The following TMCO1 variants were observed in gnomAD, a reference collection of about 807,000 sequenced individuals.
TMCO1 encodes transmembrane and coiled-coil domains 1.
TMCO1 carries 29 observed loss-of-function variants against 29.3 expected under a neutral mutation model. The observed-to-expected ratio is 0.99, with a 90% CI of 0.74 to 1.35. The LOEUF is 1.35. TMCO1 is among the 40% of genes most tolerant of loss of function. The pLI is 0.00. For missense variants in TMCO1, 173 were observed against 225.5 expected, an observed-to-expected ratio of 0.77 and a Z score of 1.49; for synonymous variants, 80 against 77.1, an observed-to-expected ratio of 1.04 and a Z score of -0.20.
intron 6 of TMCO1, among the ~76,000 whole-genome samples, chr1:165,728,478 G>A (rs898899042): frequency 7.9e-5 from 12 of 151,946 alleles, no homozygotes; most frequent in East Asian, 5.8e-4. Context: ...GGATGGTCTC[G>A]ATCTCCTGAC....
downstream of TMCO1, chr1:165,724,608 T>G (rs1466880594): frequency 4.4e-6 from 2 of 453,920 alleles, no homozygotes; most frequent in Non-Finnish European, 8.8e-6. Context: ...GCAGTTTGTG[T>G]TCTAACAAGG....
chr1:165,768,603 T>A (rs1370651318), intron 1 of TMCO1, 79 bp downstream of exon 1: 3 of 1,610,426 alleles, frequency 1.9e-6, no homozygotes, highest in Non-Finnish European at 2.5e-6. Context: ...GCTCGCGATC[T>A]TTCCCCTGGT....
At chr1:165,766,092 A>G (rs777480639) in intron 2 of TMCO1, among the ~76,000 whole-genome samples, 3 of 152,218 alleles carry the variant, frequency 2.0e-5, no homozygotes, top group Non-Finnish European at 4.4e-5. Flanking sequence ...AAGGAAACCC[A>G]ACAGTATCTG....
chr1:165,732,439 T>A (rs10800152), intron 6 of TMCO1, among the ~76,000 whole-genome samples: 34,351 of 145,932 alleles, frequency 0.24, 5,211 homozygotes, highest in East Asian at 0.58. Flanking sequence ...CCTATTTTTT[T>A]AAAAAATCAC....
At chr1:165,741,010 T>G (rs1184228900) in intron 6 of TMCO1, among the ~76,000 whole-genome samples, 1 of 152,220 alleles carries the variant, frequency 6.6e-6, no homozygotes, top group African/African-American at 2.4e-5. Flanking sequence ...TTTCAAAAAT[T>G]TAAGTATATA....
At chr1:165,748,879 T>C (rs6664303) in intron 5 of TMCO1, among the ~76,000 whole-genome samples, 39 of 152,340 alleles carry the variant, frequency 2.6e-4, no homozygotes, top group African/African-American at 8.7e-4. Context: ...CTGGCAACCA[T>C]TGATCTTTTT....
chr1:165,746,814 G>A (rs1022026113), intron 5 of TMCO1, among the ~76,000 whole-genome samples: 2 of 151,990 alleles, frequency 1.3e-5, no homozygotes, highest in African/African-American at 4.8e-5. Context: ...GAACAGTGAT[G>A]GAGAGAAAGG....
intron 6 of TMCO1, among the ~76,000 whole-genome samples, chr1:165,734,720 G>T (rs1435431056): frequency 2.0e-5 from 3 of 152,112 alleles, no homozygotes; most frequent in Non-Finnish European, 2.9e-5. Context: ...GGCCAGGCTG[G>T]TCTTGAACTT....
At chr1:165,728,177 G>C (rs1051578144) in intron 6 of TMCO1, 56 bp from the exon 7 acceptor site, 8 of 1,376,610 alleles carry the variant, frequency 5.8e-6, no homozygotes, top group Non-Finnish European at 8.2e-6. Flanking sequence ...CAGAAGATGT[G>C]TTTTATGTAG....
rs1652686637 is a variant in TMCO1, at chr1:165,768,839, T to A, written c.-88A>T. ...TGAAGCGAAAACGGCTTCCGTAGAC[T>A]CCGCCACCACCGAGTAACAGACCAA... On this transcript the variant is annotated 5_prime_UTR_variant, in exon 1 of 7. Transcript: ENST00000367881. 1.3e-6 allele frequency: 2 copies of A among 1,591,378 alleles called. No individual in the cohort carries two copies. The highest frequency in any genetic ancestry group is 2.2e-5 in the South Asian group (2 of 89,046).
At chr1:165,732,733 T>C (rs770937462) in intron 6 of TMCO1, among the ~76,000 whole-genome samples, 71 of 152,132 alleles carry the variant, frequency 4.7e-4, no homozygotes, top group Non-Finnish European at 8.7e-4. Context: ...ATGAAATCTC[T>C]GTACCTTCCA....
chr1:165,753,994 G>A (rs1298981080), intron 4 of TMCO1, among the ~76,000 whole-genome samples: 2 of 152,062 alleles, frequency 1.3e-5, no homozygotes, highest in Admixed American at 6.6e-5. Flanking sequence ...TGTGTGAAGA[G>A]GACAAATTAT....
At chr1:165,768,651 G>T in intron 1 of TMCO1, 31 bp downstream of exon 1, 1 of 1,613,972 alleles carries the variant, frequency 6.2e-7, no homozygotes, top group South Asian at 1.1e-5. Flanking sequence ...CCCGGGGACT[G>T]ATCAAACGTC....
chr1:165,742,543 A>G (rs1347215343), intron 6 of TMCO1, among the ~76,000 whole-genome samples: 1 of 152,190 alleles, frequency 6.6e-6, no homozygotes, highest in Non-Finnish European at 1.5e-5. Context: ...AATTACAGGC[A>G]TGAGCCACGG....
chr1:165,767,217 A>G (rs1652608235), intron 2 of TMCO1, among the ~76,000 whole-genome samples: 1 of 152,210 alleles, frequency 6.6e-6, no homozygotes, highest in Admixed American at 6.5e-5. Context: ...TGAAGATATA[A>G]GAAAAAGTCA....
intron 5 of TMCO1, among the ~76,000 whole-genome samples, chr1:165,747,320 A>G (rs1019131524): frequency 1.3e-5 from 2 of 150,606 alleles, no homozygotes; most frequent in Non-Finnish European, 3.0e-5. Flanking sequence ...AGACAGTAGT[A>G]GCAAACTAGA....
intron 2 of TMCO1, among the ~76,000 whole-genome samples, chr1:165,760,664 T>C (rs1652368904): frequency 1.3e-5 from 2 of 151,802 alleles, no homozygotes; most frequent in Non-Finnish European, 2.9e-5. Flanking sequence ...TAGCTGGGCA[T>C]GTGGCGCGTG....
At chr1:165,765,233 C>T (rs1652525393) in intron 2 of TMCO1, among the ~76,000 whole-genome samples, 1 of 152,034 alleles carries the variant, frequency 6.6e-6, no homozygotes, top group African/African-American at 2.4e-5. Context: ...AAAAATAGAA[C>T]AGGGTAAGGA....
At chr1:165,751,217 T>C (rs1230346852) in intron 5 of TMCO1, among the ~76,000 whole-genome samples, 3 of 152,206 alleles carry the variant, frequency 2.0e-5, no homozygotes, top group Admixed American at 1.3e-4. Flanking sequence ...TTATTAAGAC[T>C]CTATTTTAAG....
Sources: allele counts gnomAD v4.1 joint callset (sites outside exome capture counted in the v4.1 genomes callset), GRCh38; gene constraint gnomAD v4.1.1; transcripts MANE v1.5; gene names NCBI Gene and HGNC (gene_info 2026-07-23, HGNC 2026-07-21).